Variants in DPP4 observed in about 807,000 individuals in gnomAD.
DPP4 encodes the protein ADCP-2.
In DPP4, 93 loss-of-function variants were observed where a neutral mutation model predicts 122.4. That is an observed-to-expected ratio of 0.76 (90% CI 0.64 to 0.90). DPP4 has a LOEUF of 0.90. Among genes scored for constraint, DPP4 ranks in the 40% least tolerant of loss-of-function variants. DPP4 has a pLI of 0.00. For synonymous variants in DPP4, 321 were observed against 302.9 expected (o/e 1.06, Z -0.62); for missense variants, 914 against 907.3 (o/e 1.01, Z -0.09).
intron 2 of DPP4, 195 bp downstream of exon 2, chr2:162,073,204 C>A: frequency 1.9e-6 from 1 of 529,624 alleles, no homozygotes; most frequent in Non-Finnish European, 3.4e-6. Context: ...GAGTTTCAGC[C>A]TAAACACTGA....
chr2:162,071,001 G>A (rs1210544671), intron 2 of DPP4, among the ~76,000 whole-genome samples: 1 of 152,034 alleles, frequency 6.6e-6, no homozygotes, highest in African/African-American at 2.4e-5. Context: ...TCACATTTCT[G>A]AGTAGCTCTG....
chr2:162,023,282 A>G (rs939108351), intron 11 of DPP4, among the ~76,000 whole-genome samples: 1 of 152,146 alleles, frequency 6.6e-6, no homozygotes, highest in African/African-American at 2.4e-5. Flanking sequence ...GTCTGTTGCC[A>G]GAATCTCCTT....
At position 162,020,281 on chromosome 2, in the gene DPP4, T is replaced by C. The variant is rs1389051182; in HGVS notation, c.1192A>G (p.Thr398Ala). 4.4e-6 allele frequency: 7 copies of C among 1,590,236 alleles called. No homozygotes were observed. Among genetic ancestry groups the C allele is most frequent in the Admixed American group, 1.7e-5 (1 of 58,176 alleles). ...QIDKKDCTFI[T>A]KGTWEVIGIE... is the part of the protein sequence containing the mutation. ...CCGATGACTTCCCAGGTGCCTTTTG[T>C]AATAAATGTGCAGTCCTGATGGTTT... is the stretch of plus-strand genomic sequence containing the variant. Residue 398 changes from threonine (T) to alanine (A), a missense_variant, in exon 14 of 26, where the codon ACA (threonine) becomes GCA (alanine). Physicochemically the swap from Thr to Ala is moderately conservative, Grantham distance 58. Coordinates refer to ENST00000360534, the MANE Select transcript of DPP4 (RefSeq NM_001935.4).
chr2:162,023,168 C>T (rs1683199401), intron 11 of DPP4, among the ~76,000 whole-genome samples: 1 of 152,060 alleles, frequency 6.6e-6, no homozygotes, highest in South Asian at 2.1e-4. Context: ...GATTCCTGCC[C>T]TCCTCATAAT....
intron 25 of DPP4, 123 bp downstream of exon 25, chr2:161,994,837 GA>G (rs1025893966): frequency 1.4e-4 from 124 of 859,376 alleles, no homozygotes; most frequent in African/African-American, 4.3e-4. Context: ...ACTTCACGTT[GA>G]AAAAAAAATT....
intron 2 of DPP4, among the ~76,000 whole-genome samples, chr2:162,067,154 C>G (rs1048005930): frequency 4.4e-5 from 3 of 67,636 alleles, no homozygotes; most frequent in African/African-American, 2.0e-4. Flanking sequence ...GAGTTTTATG[C>G]CTGGAATCAA....
At chr2:162,063,382 A>G (rs1444143848) in intron 2 of DPP4, among the ~76,000 whole-genome samples, 1 of 152,264 alleles carries the variant, frequency 6.6e-6, no homozygotes, top group East Asian at 1.9e-4. Context: ...CCAAGTTGTA[A>G]ATGGTATTTG....
intron 18 of DPP4, among the ~76,000 whole-genome samples, chr2:162,014,995 G>A (rs1682857160): frequency 6.6e-6 from 1 of 152,098 alleles, no homozygotes; most frequent in Non-Finnish European, 1.5e-5. Context: ...AATGAGATCG[G>A]GTTTATATGG....
intron 2 of DPP4, among the ~76,000 whole-genome samples, chr2:162,069,256 C>T (rs1685040158): frequency 6.6e-6 from 1 of 152,090 alleles, no homozygotes; most frequent in Admixed American, 6.6e-5. Context: ...GCCCTCAGCC[C>T]CAAATTTAGC....
intron 25 of DPP4, among the ~76,000 whole-genome samples, chr2:161,994,746 C>T (rs752659540): frequency 2.5e-4 from 38 of 152,186 alleles, no homozygotes; most frequent in East Asian, 5.8e-4. Context: ...CCAGCATATG[C>T]GATATTGTGC....
At chr2:162,003,318 A>G (rs577080055) in intron 23 of DPP4, among the ~76,000 whole-genome samples, 49 of 152,222 alleles carry the variant, frequency 3.2e-4, no homozygotes, top group Admixed American at 8.5e-4. Flanking sequence ...AAGAGGGGGA[A>G]CTCGGTGGGA....
At chr2:162,047,803 T>C (rs976873180) in intron 2 of DPP4, among the ~76,000 whole-genome samples, 1 of 152,198 alleles carries the variant, frequency 6.6e-6, no homozygotes, top group Non-Finnish European at 1.5e-5. Flanking sequence ...GTATATTTTC[T>C]AGAAGCTATA....
chr2:162,050,098 T>C (rs1480367183), intron 2 of DPP4, among the ~76,000 whole-genome samples: 1 of 152,186 alleles, frequency 6.6e-6, no homozygotes, highest in Non-Finnish European at 1.5e-5. Context: ...CAGAAAATAT[T>C]TGAAACTCAT....
At chr2:162,061,517 C>T (rs983523133) in intron 2 of DPP4, among the ~76,000 whole-genome samples, 4 of 152,172 alleles carry the variant, frequency 2.6e-5, no homozygotes, top group Non-Finnish European at 4.4e-5. Context: ...CTTACTTTAA[C>T]AGTCTTTTCT....
Position 162,074,130 on chromosome 2 carries a change from AG to A in DPP4, c.-150del. ...TTCGGCCCCGAGTTAAACATTAGTG[AG>A]CGCCGAGCCCGCTGGGTATAAAGGC... On this transcript the variant is annotated 5_prime_UTR_variant, in exon 1 of 26. Coordinates refer to ENST00000360534, the MANE Select transcript of DPP4 (RefSeq NM_001935.4). The A allele has an allele frequency of 7.1e-7, 1 of 1,407,978 alleles. No individual in the cohort carries two copies. Among genetic ancestry groups the A allele is most frequent in the Non-Finnish European group, 9.3e-7 (1 of 1,080,806 alleles). The allele number at this position is 1,407,978 out of a possible 1,614,324, so 87.2% of individuals were successfully genotyped here. A position where few individuals can be genotyped will look rare whatever the true frequency, so the allele number is the denominator to read the frequency against.
intron 22 of DPP4, among the ~76,000 whole-genome samples, chr2:162,006,358 G>T (rs1701282729): frequency 6.6e-6 from 1 of 152,088 alleles, no homozygotes; most frequent in African/African-American, 2.4e-5. Flanking sequence ...ACTAGTTGCT[G>T]ATTTAAATCA....
chr2:162,055,502 G>T (rs1275069081), intron 2 of DPP4, among the ~76,000 whole-genome samples: 1 of 152,018 alleles, frequency 6.6e-6, no homozygotes, highest in Non-Finnish European at 1.5e-5. Flanking sequence ...TTCGAGACCA[G>T]CCTGGGCAAC....
intron 15 of DPP4, 44 bp downstream of exon 15, chr2:162,019,179 G>T: frequency 6.6e-7 from 1 of 1,511,158 alleles, no homozygotes; most frequent in Non-Finnish European, 9.1e-7. Flanking sequence ...GAAATTGTTC[G>T]TCAGCTAAAA....
At chr2:162,073,338 G>A in intron 2 of DPP4, 61 bp downstream of exon 2, 1 of 1,560,926 alleles carries the variant, frequency 6.4e-7, no homozygotes, top group African/African-American at 1.4e-5. Context: ...CCTTAGCGTG[G>A]TAAGACGGAG....
Sources: gnomAD v4.1 joint callset for allele counts (sites outside exome capture counted in the v4.1 genomes callset) on GRCh38, gnomAD v4.1.1 for gene constraint, MANE v1.5 for transcripts, NCBI Gene and HGNC (gene_info 2026-07-23, HGNC 2026-07-21) for gene names.